Variants in SENP2 observed in about 807,000 individuals in gnomAD.
SENP2 encodes the protein SUMO specific peptidase 2.
Under a neutral mutation model 86.3 loss-of-function variants are expected in SENP2, and 16 were observed. The ratio of observed to expected loss-of-function variants is 0.19; its 90% CI spans 0.13 to 0.28. The LOEUF (loss-of-function observed/expected upper bound fraction) is 0.28. SENP2 is among the 10% of genes least tolerant of loss of function. SENP2 has a pLI of 1.00. For missense variants in SENP2, 552 were observed against 703.0 expected (o/e 0.79, Z 2.43); for synonymous variants, 222 against 238.7 (o/e 0.93, Z 0.64).
At chr3:185,623,743 C>T (rs2148995046) in intron 14 of SENP2, among the ~76,000 whole-genome samples, 1 of 142,370 alleles carries the variant, frequency 7.0e-6, no homozygotes, top group Middle Eastern at 3.8e-3. Context: ...AGGAGAATGG[C>T]GTGAACCCGG....
chr3:185,586,422 ATGGC>A lies in SENP2; in HGVS notation c.13_16del (p.Val6GlyfsTer21). ...TGCTGCTTGGGCCTGGTATGTACAG[ATGGC>A]TGGTTAGGATTCTCGGCACCATTTT... On this transcript the variant is annotated frameshift_variant, in exon 1 of 17. Transcript: ENST00000296257. The surrounding 1 kb of genome is among the most constrained non-coding windows in gnomAD (Gnocchi z 4.3). 1 of 1,613,886 alleles carries A rather than the reference ATGGC, an allele frequency of 6.2e-7. No homozygotes were observed. Among genetic ancestry groups the A allele is most frequent in the Non-Finnish European group, 8.5e-7 (1 of 1,179,944 alleles).
intron 2 of SENP2, among the ~76,000 whole-genome samples, chr3:185,592,011 C>CTATTTTTTTTTTTTTT (rs1722018446): frequency 1.5e-5 from 1 of 65,804 alleles, no homozygotes; most frequent in Non-Finnish European, 2.7e-5. Context: ...GGTAATATTT[C>CTATTTTTTTTTTTTTT]TTTTTTTTTT....
intron 5 of SENP2, among the ~76,000 whole-genome samples, chr3:185,605,819 C>T (rs1442871154): frequency 6.6e-6 from 1 of 152,146 alleles, no homozygotes; most frequent in Non-Finnish European, 1.5e-5. Flanking sequence ...TTCCAGGCTT[C>T]AGTTCCTTTA....
intron 15 of SENP2, among the ~76,000 whole-genome samples, chr3:185,624,878 A>C (rs1414895328): frequency 2.0e-5 from 3 of 152,094 alleles, no homozygotes; most frequent in East Asian, 3.9e-4. Context: ...AAAAAAAAAA[A>C]AGAAAAAGAA....
chr3:185,632,213 GTTT>G lies in SENP2; in HGVS notation c.*2377_*2379del, dbSNP rs369236428. On this transcript the variant is annotated 3_prime_UTR_variant, in exon 17 of 17. Transcript: ENST00000296257. ...CAAATTATCACCATTAAAGCCAGTG[GTTT>G]TTTTTTTGTTTTTTTTTTTTGTTTT... 1.6e-5 allele frequency: 2 copies of G among 125,326 alleles called. No homozygotes were observed. The highest frequency in any genetic ancestry group is 3.3e-5 in the Non-Finnish European group (2 of 60,740). 7.8% of individuals were successfully genotyped at this position (125,326 alleles called of 1,614,324 possible). A position where few individuals can be genotyped will look rare whatever the true frequency, so the allele number is the denominator to read the frequency against.
chr3:185,617,407 G>T, intron 11 of SENP2, 73 bp from the exon 12 acceptor site: 1 of 1,371,316 alleles, frequency 7.3e-7, no homozygotes, highest in Non-Finnish European at 9.9e-7. Flanking sequence ...ACTTTTTTCA[G>T]TCTCGGAGTT....
chr3:185,601,291 CA>C (rs1383611172), intron 5 of SENP2, among the ~76,000 whole-genome samples: 1 of 152,016 alleles, frequency 6.6e-6, no homozygotes, highest in Non-Finnish European at 1.5e-5. Flanking sequence ...GTAATCCACC[CA>C]CCTTGGCCTC....
intron 2 of SENP2, 111 bp downstream of exon 2, chr3:185,590,280 C>T (rs1721933261): frequency 2.0e-6 from 1 of 488,136 alleles, no homozygotes. Flanking sequence ...CTTGGCCGGG[C>T]GCAGTGGCTG....
Position 185,598,943 on chromosome 3 carries a change from C to T in SENP2, c.292-15C>T, listed in dbSNP as rs1560191519. On this transcript the variant is annotated splice_polypyrimidine_tract_variant and intron_variant, in intron 3 of 16. Coordinates refer to ENST00000296257, the MANE Select transcript of SENP2 (RefSeq NM_021627.3). ...AAATTTAGATGCTACAGAAGTGATT[C>T]TGTTTGATTTTAAGGTATTTTCGAA... The T allele has an allele frequency of 6.2e-7, 1 of 1,601,938 alleles. No homozygotes were observed. The highest frequency in any genetic ancestry group is 8.5e-7 in the Non-Finnish European group (1 of 1,171,560).
At position 185,619,413 on chromosome 3, in the gene SENP2, G is replaced by A. The variant is rs1577739790; in HGVS notation, c.1357G>A (p.Ala453Thr). Reference sequence around the variant, plus strand: ...TAAATTAAAGTCTGGGGGTTACCAAGCAGTGAAACGATGGACCAAAGGGGT... The same window carrying A: ...TAAATTAAAGTCTGGGGGTTACCAAACAGTGAAACGATGGACCAAAGGGGT... ...YPKLKSGGYQ[A>T]VKRWTKGVNL... Residue 453 changes from alanine (A) to threonine (T), a missense_variant, in exon 13 of 17, where the codon GCA (alanine) becomes ACA (threonine). Physicochemically the swap from Ala to Thr is moderately conservative, Grantham distance 58 (BLOSUM62 0). Transcript: ENST00000296257. 7 of 1,614,116 alleles carry A rather than the reference G, an allele frequency of 4.3e-6. No homozygotes were observed. In the East Asian group the frequency reaches 1.6e-4, roughly 36 times the overall value.
Position 185,632,248 on chromosome 3 carries a change from T to TGCGACAGAG in SENP2, c.*2404_*2405insGCGACAGAG, listed in dbSNP as rs1452574376. 1 of 140,100 alleles carries TGCGACAGAG rather than the reference T, an allele frequency of 7.1e-6. No homozygotes were observed. The highest frequency in any genetic ancestry group is 2.7e-5 in the African/African-American group (1 of 37,666). 8.7% of individuals were successfully genotyped at this position (140,100 alleles called of 1,614,324 possible). On this transcript the variant is annotated 3_prime_UTR_variant, in exon 17 of 17. Coordinates refer to ENST00000296257, the MANE Select transcript of SENP2 (RefSeq NM_021627.3). The stretch of plus-strand genomic sequence containing the variant: ...TGTTTTTTTTTTTTGTTTTTTTTTT[T>TGCGACAGAG]TTTTTTTGCGACAGAGTCTCTTGTC...
intron 10 of SENP2, 162 bp downstream of exon 10, chr3:185,613,570 C>T (rs919548356): frequency 8.8e-6 from 4 of 455,022 alleles, no homozygotes; most frequent in Non-Finnish European, 1.6e-5. Context: ...GTGGCTCATG[C>T]CTGTAATCCC....
chr3:185,609,428 G>A, intron 7 of SENP2, 78 bp downstream of exon 7: 1 of 1,021,384 alleles, frequency 9.8e-7, no homozygotes, highest in Admixed American at 1.9e-5. Context: ...TGGTGGGAAG[G>A]GCTTTACTGA....
At chr3:185,606,548 C>T (rs1343075704) in intron 6 of SENP2, 50 bp downstream of exon 6, 1 of 1,447,146 alleles carries the variant, frequency 6.9e-7, no homozygotes, top group Non-Finnish European at 9.3e-7. Flanking sequence ...CAGCTCTTCC[C>T]AAGGATGCTG....
In SENP2 at chr3:185,632,108, G is replaced by GT. The variant is rs959478011; in HGVS notation, c.*2270dup. On this transcript the variant is annotated 3_prime_UTR_variant, in exon 17 of 17. Transcript: ENST00000296257. ...CATAAGGAAACATGTTAGTAATATA[G>GT]TTTTTTAGATCCAAACAGTTTATTT... is the stretch of plus-strand genomic sequence containing the variant. 10 of 150,294 alleles carry GT rather than the reference G, an allele frequency of 6.7e-5. No homozygotes were observed. The highest frequency in any genetic ancestry group is 2.5e-4 in the African/African-American group (10 of 40,774). The allele number at this position is 150,294 out of a possible 1,614,324, so 9.3% of individuals were successfully genotyped here. A position where few individuals can be genotyped will look rare whatever the true frequency, so the allele number is the denominator to read the frequency against.
intron 6 of SENP2, among the ~76,000 whole-genome samples, chr3:185,607,072 C>A (rs1401780902): frequency 6.6e-6 from 1 of 150,854 alleles, no homozygotes; most frequent in African/African-American, 2.4e-5. Flanking sequence ...ACCTCTGTCT[C>A]CCACGTTCCA....
At chr3:185,609,712 C>T (rs1413014222) in intron 7 of SENP2, among the ~76,000 whole-genome samples, 1 of 151,864 alleles carries the variant, frequency 6.6e-6, no homozygotes, top group African/African-American at 2.4e-5. Flanking sequence ...CACTCCTGCC[C>T]CTCTCTCCAT....
rs544203960 is a variant in SENP2, at chr3:185,615,876, A to G, written c.1110+1136A>G. On this transcript the variant is annotated intron_variant, in intron 11 of 16. Coordinates refer to ENST00000296257, the MANE Select transcript of SENP2 (RefSeq NM_021627.3). ...ATTTTGATGTTTTATTTATTTATTT[A>G]TTTTTGAGATAGAGTCTCGCTCTGT... Among the ~76,000 whole-genome samples the G allele has an allele frequency of 2.0e-5, 3 of 151,050 alleles. No homozygotes were observed. The South Asian group carries it at 6.3e-4, about 32-fold the overall frequency.
chr3:185,587,569 A>C (rs1438173251), intron 1 of SENP2, among the ~76,000 whole-genome samples: 2 of 103,302 alleles, frequency 1.9e-5, no homozygotes, highest in Admixed American at 9.8e-5. Flanking sequence ...ATCAAGTGTT[A>C]ATTTTTTTTT....
Sources: allele counts gnomAD v4.1 joint callset (sites outside exome capture counted in the v4.1 genomes callset), GRCh38; gene constraint gnomAD v4.1.1; non-coding constraint Gnocchi (gnomAD v3.1); transcripts MANE v1.5; gene names NCBI Gene and HGNC (gene_info 2026-07-23, HGNC 2026-07-21).